PLXNA2: variants seen among roughly 807,000 people sequenced by gnomAD.
PLXNA2 encodes plexin-A2.
A neutral mutation model predicts 193.5 loss-of-function variants in PLXNA2; 91 were observed. The ratio of observed to expected loss-of-function variants is 0.47; its 90% confidence interval spans 0.40 to 0.56. The LOEUF is 0.56. Ranked by LOEUF, PLXNA2 falls within the 20% of genes least tolerant of loss-of-function variation. PLXNA2 has a pLI of 0.00. For missense variants in PLXNA2, 1,995 were observed against 2,503.2 expected, an observed-to-expected ratio of 0.80 and a Z score of 4.33; for synonymous variants, 997 against 1,027.3, an observed-to-expected ratio of 0.97 and a Z score of 0.56.
intron 3 of PLXNA2, among the ~76,000 whole-genome samples, chr1:208,186,708 A>ATTTTGTTTTTTTTT (rs368056918): frequency 9.0e-6 from 1 of 111,698 alleles, no homozygotes; most frequent in African/African-American, 3.0e-5. Context: ...TTGCAATGTT[A>ATTTTGTTTTTTTTT]TTTTATTTTT....
intron 20 of PLXNA2, among the ~76,000 whole-genome samples, chr1:208,043,759 G>T (rs908445427): frequency 6.6e-6 from 1 of 152,224 alleles, no homozygotes; most frequent in Non-Finnish European, 1.5e-5. Context: ...TTGCCAGGAG[G>T]AACCTTGGCT....
intron 4 of PLXNA2, among the ~76,000 whole-genome samples, chr1:208,133,703 A>C (rs1290755010): frequency 6.6e-6 from 1 of 152,232 alleles, no homozygotes; most frequent in Non-Finnish European, 1.5e-5. Context: ...GTTGCTAATT[A>C]AAAGTTTTTA....
chr1:208,199,158 A>G (rs1670456566), intron 3 of PLXNA2, among the ~76,000 whole-genome samples: 1 of 152,220 alleles, frequency 6.6e-6, no homozygotes, highest in Non-Finnish European at 1.5e-5. Flanking sequence ...CTTAGCCCTG[A>G]GGCCAGAAGT....
Position 208,084,884 on chromosome 1 carries a change from C to T in PLXNA2, c.2098-304G>A, listed in dbSNP as rs1296361884. Reference sequence around the variant, plus strand: ...GAGACACTGGATAAAAGAGCCTCCACGTGTCCCTGTCCCCAACCTGGCACC... The same window carrying T: ...GAGACACTGGATAAAAGAGCCTCCATGTGTCCCTGTCCCCAACCTGGCACC... On this transcript the variant is annotated intron_variant, in intron 9 of 31. Transcript: ENST00000367033. 3.9e-5 allele frequency among the ~76,000 whole-genome samples: 6 copies of T among 152,178 alleles called. No homozygotes were observed. The East Asian group carries it at 9.7e-4, about 25-fold the overall frequency.
At chr1:208,203,253 C>T (rs1266063222) in intron 3 of PLXNA2, among the ~76,000 whole-genome samples, 1 of 152,170 alleles carries the variant, frequency 6.6e-6, no homozygotes, top group Non-Finnish European at 1.5e-5. Context: ...GGGCAGGGAG[C>T]CAAACTCATT....
chr1:208,123,216 G>T (rs898158450), intron 4 of PLXNA2, among the ~76,000 whole-genome samples: 1 of 152,134 alleles, frequency 6.6e-6, no homozygotes, highest in African/African-American at 2.4e-5. Context: ...TGTTTTCAAG[G>T]TTCATCCATA....
In PLXNA2 at chr1:208,105,350, G is replaced by A. The variant is rs191822592; in HGVS notation, c.1507-2103C>T. Among the ~76,000 whole-genome samples, 17 of 152,340 alleles carry A rather than the reference G, an allele frequency of 1.1e-4. No homozygotes were observed. In the East Asian group the frequency reaches 2.3e-3, roughly 21 times the overall value. ...CAACCGCCTGGCTTTCCAAAGGAAC[G>A]CCTATCACAGGGATGCATAAGCAGT... On this transcript the variant is annotated intron_variant, in intron 4 of 31. Transcript: ENST00000367033.
rs150210905 is a variant in PLXNA2 at position 208,217,739 on chromosome 1, C to T, written c.184G>A (p.Val62Ile). Residue 62 changes from valine to isoleucine, a missense_variant, in exon 2 of 32, where the codon GTC (valine) becomes ATC (isoleucine). Coordinates refer to ENST00000367033, the MANE Select transcript of PLXNA2 (RefSeq NM_025179.4). The surrounding 1 kb of genome is among the most constrained non-coding windows in gnomAD (Gnocchi z 4.7). ...HLTVHQGTGAVYVGAINRVYK... is the reference protein window; with the variant it reads ...HLTVHQGTGAIYVGAINRVYK... ...ACCCGGTTGATGGCCCCCACATAGA[C>T]GGCCCCCGTCCCTTGGTGGACGGTC... The T allele has an allele frequency of 3.3e-5, 53 of 1,614,164 alleles. No individual in the cohort carries two copies. The highest frequency in any genetic ancestry group is 9.3e-5 in the African/African-American group (7 of 75,030).
Position 208,046,148 on chromosome 1 carries a change from C to T in PLXNA2, c.3256-31G>A, listed in dbSNP as rs112206862. The T allele has an allele frequency of 1.9e-4, 309 of 1,600,738 alleles. 5 individuals carry two copies. In the African/African-American group the frequency reaches 3.2e-3, roughly 16 times the overall value. ...AGATCCAGAGCGCAGCATTCACACA[C>T]GGAGTGCCTGGCACAGAGCCCAGGG... On this transcript the variant is annotated intron_variant, in intron 17 of 31. Coordinates refer to ENST00000367033, the MANE Select transcript of PLXNA2 (RefSeq NM_025179.4).
At chr1:208,211,641 C>T (rs181107513) in intron 2 of PLXNA2, among the ~76,000 whole-genome samples, 1 of 150,308 alleles carries the variant, frequency 6.7e-6, no homozygotes, top group Non-Finnish European at 1.5e-5. Context: ...TGCAGTGAGC[C>T]GAGATTGCGC....
chr1:208,128,304 G>A (rs1463491962), intron 4 of PLXNA2, among the ~76,000 whole-genome samples: 7 of 152,150 alleles, frequency 4.6e-5, no homozygotes. Context: ...AATGGGCAAC[G>A]TGTTAGTTGT....
intron 3 of PLXNA2, among the ~76,000 whole-genome samples, chr1:208,145,274 C>T (rs867042513): frequency 2.0e-5 from 3 of 152,150 alleles, no homozygotes; most frequent in Non-Finnish European, 4.4e-5. Flanking sequence ...CTCCCACCTT[C>T]CCTGTGACAG....
intron 12 of PLXNA2, among the ~76,000 whole-genome samples, chr1:208,067,571 AT>A (rs1665839736): frequency 1.3e-5 from 2 of 152,104 alleles, no homozygotes; most frequent in Admixed American, 1.3e-4. Context: ...ATGGCGTACC[AT>A]TTTTAATCTT....
At chr1:208,137,197 G>A (rs1668328375) in intron 4 of PLXNA2, among the ~76,000 whole-genome samples, 1 of 152,062 alleles carries the variant, frequency 6.6e-6, no homozygotes, top group Admixed American at 6.6e-5. Flanking sequence ...TGTTCCCAAG[G>A]CCCTTTCCAG....
intron 12 of PLXNA2, 94 bp from the exon 13 acceptor site, chr1:208,060,931 CCATAGGTTCTTAAATT>C: frequency 9.2e-7 from 1 of 1,085,134 alleles, no homozygotes; most frequent in Non-Finnish European, 1.3e-6. Context: ...TTAAGAACCT[CCATAGGTTCTTAAATT>C]CCTCCACCAG....
Position 208,060,693 on chromosome 1 carries a change from C to T in PLXNA2, c.2731G>A (p.Ala911Thr), listed in dbSNP as rs750717398. Residue 911 changes from alanine to threonine, a missense_variant, in exon 13 of 32, where the codon GCT (alanine) becomes ACT (threonine). Transcript: ENST00000367033. ...TGGCCAGGGCGGACTCACTGCTCAG[C>T]GATGATGTATTCCCCTGGGAGGGGC... ...CTPLPGEYIIAEQIVCEMGHA... is the reference protein window; with the variant it reads ...CTPLPGEYIITEQIVCEMGHA... 5 of 1,613,080 alleles carry T rather than the reference C, an allele frequency of 3.1e-6. No individual in the cohort carries two copies. The highest frequency in any genetic ancestry group is 1.1e-5 in the South Asian group (1 of 90,914).
In PLXNA2 at chr1:208,157,267, T is replaced by C. The variant is rs141368959; in HGVS notation, c.1372-14804A>G. On this transcript the variant is annotated intron_variant, in intron 3 of 31. Coordinates refer to ENST00000367033, the MANE Select transcript of PLXNA2 (RefSeq NM_025179.4). ...ATGTTGACCTTCTTGGTAACATATG[T>C]GTTTCTACTCCCTTTATGGCTTGGC... is the stretch of plus-strand genomic sequence containing the variant. Among the ~76,000 whole-genome samples, 10 of 152,344 alleles carry C rather than the reference T, an allele frequency of 6.6e-5. No individual in the cohort carries two copies. The East Asian group carries it at 1.9e-3, about 29-fold the overall frequency.
intron 4 of PLXNA2, among the ~76,000 whole-genome samples, chr1:208,103,941 C>T (rs1350395692): frequency 1.3e-5 from 2 of 152,186 alleles, no homozygotes; most frequent in African/African-American, 4.8e-5. Flanking sequence ...TCCTGGTCTT[C>T]TGCTGGGGCC....
chr1:208,145,540 T>G (rs1668578790), intron 3 of PLXNA2, among the ~76,000 whole-genome samples: 1 of 152,178 alleles, frequency 6.6e-6, no homozygotes, highest in African/African-American at 2.4e-5. Context: ...GGCACTTGCG[T>G]GGATTCAGCA....
Sources: allele counts gnomAD v4.1 joint callset (sites outside exome capture counted in the v4.1 genomes callset), GRCh38; gene constraint gnomAD v4.1.1; non-coding constraint Gnocchi (gnomAD v3.1); transcripts MANE v1.5; gene names NCBI Gene and HGNC (gene_info 2026-07-23, HGNC 2026-07-21).